The following PCCA variants were observed in gnomAD, a reference collection of about 807,000 sequenced individuals.
PCCA encodes propionyl-CoA carboxylase alpha chain, mitochondrial.
PCCA carries 74 observed loss-of-function variants against 101.3 expected under a neutral mutation model. The ratio of observed to expected loss-of-function variants is 0.73; its 90% CI spans 0.61 to 0.89. The LOEUF (loss-of-function observed/expected upper bound fraction) is 0.89. PCCA is among the 40% of genes least tolerant of loss of function. The pLI, the probability that PCCA is intolerant of heterozygous loss-of-function variation, is 0.00. For synonymous variants in PCCA, 294 were observed against 313.6 expected (o/e 0.94, Z 0.66); for missense variants, 891 against 907.0 (o/e 0.98, Z 0.23).
chr13:100,383,591 G>A (rs2076345353), intron 19 of PCCA, among the ~76,000 whole-genome samples: 1 of 151,788 alleles, frequency 6.6e-6, no homozygotes, highest in Non-Finnish European at 1.5e-5. Context: ...GCCTGGGTGA[G>A]AGTGAAATCC....
intron 6 of PCCA, among the ~76,000 whole-genome samples, chr13:100,186,087 T>C (rs939657854): frequency 6.6e-6 from 1 of 152,242 alleles, no homozygotes; most frequent in Non-Finnish European, 1.5e-5. Context: ...CTAGTTAAAA[T>C]AGCTTTGAAT....
At chr13:100,237,943 T>TC (rs2152525348) in intron 8 of PCCA, among the ~76,000 whole-genome samples, 1 of 106,734 alleles carries the variant, frequency 9.4e-6, no homozygotes, top group East Asian at 2.2e-4. Context: ...TTCTTTCTTT[T>TC]TTTTTTTTTT....
chr13:100,100,981 T>C (rs1411759495), intron 1 of PCCA, among the ~76,000 whole-genome samples: 2 of 152,106 alleles, frequency 1.3e-5, no homozygotes, highest in Non-Finnish European at 2.9e-5. Context: ...TTTTGTATTT[T>C]TAGTAGAGAT....
chr13:100,354,885 G>A (rs1392499303), intron 18 of PCCA, among the ~76,000 whole-genome samples: 1 of 152,072 alleles, frequency 6.6e-6, no homozygotes, highest in Non-Finnish European at 1.5e-5. Flanking sequence ...AGGACCAGAT[G>A]ACTTCATTGG....
At chr13:100,101,299 A>G (rs1434775327) in intron 1 of PCCA, among the ~76,000 whole-genome samples, 3 of 152,172 alleles carry the variant, frequency 2.0e-5, no homozygotes, top group Admixed American at 6.5e-5. Flanking sequence ...CTCTTGACCA[A>G]TCTGTGGTTA....
rs117647775 is a variant in PCCA, at chr13:100,288,667, C to T, written c.1066-12793C>T. Among the ~76,000 whole-genome samples the T allele has an allele frequency of 4.4e-3, 672 of 152,308 alleles. 3 individuals are homozygous for T. Among genetic ancestry groups the T allele is most frequent in the Non-Finnish European group, 7.4e-3 (502 of 68,026 alleles). On this transcript the variant is annotated intron_variant, in intron 12 of 23. Transcript: ENST00000376285. ...CTATGAGTTTGGACAAGTGTATCTA[C>T]CATTATGGTATCATAAGAATAGGTT...
chr13:100,137,204 G>A (rs1484945061), intron 4 of PCCA, among the ~76,000 whole-genome samples: 2 of 151,750 alleles, frequency 1.3e-5, no homozygotes, highest in Non-Finnish European at 2.9e-5. Flanking sequence ...AATTCTCTTT[G>A]TTCAGAGATC....
intron 2 of PCCA, among the ~76,000 whole-genome samples, chr13:100,103,263 G>A (rs1010822119): frequency 1.3e-5 from 2 of 151,744 alleles, no homozygotes; most frequent in African/African-American, 2.4e-5. Context: ...TAAAGACTGG[G>A]CATTTGAGAG....
intron 12 of PCCA, among the ~76,000 whole-genome samples, chr13:100,276,213 C>CAAAAAAAAAAAAA (rs59671834): frequency 9.8e-6 from 1 of 102,140 alleles, no homozygotes; most frequent in Non-Finnish European, 1.9e-5. Flanking sequence ...TTGTCTGTAC[C>CAAAAAAAAAAAAA]AAAAAAAAAA....
intron 21 of PCCA, among the ~76,000 whole-genome samples, chr13:100,469,938 T>C (rs780248744): frequency 2.6e-5 from 4 of 152,214 alleles, no homozygotes; most frequent in African/African-American, 4.8e-5. Flanking sequence ...TTATGTGACC[T>C]GGGGATTTCC....
Position 100,314,918 on chromosome 13 carries a change from T to C in PCCA, c.1429+5010T>C, listed in dbSNP as rs143595698. Among the ~76,000 whole-genome samples the C allele has an allele frequency of 3.7e-3, 571 of 152,278 alleles. 1 individual carries two copies. Among genetic ancestry groups the C allele is most frequent in the Non-Finnish European group, 6.6e-3 (452 of 68,024 alleles). ...GACAATTGGTGAGATTTGAATAAGG[T>C]CTGGAGATGAGGTGATAGCAATGTT... On this transcript the variant is annotated intron_variant, in intron 16 of 23. Transcript: ENST00000376285.
intron 7 of PCCA, among the ~76,000 whole-genome samples, chr13:100,218,193 G>A (rs1594779883): frequency 1.3e-5 from 2 of 151,950 alleles, no homozygotes; most frequent in Non-Finnish European, 2.9e-5. Flanking sequence ...TGTTTGTTTT[G>A]AGATGGTATT....
chr13:100,203,987 C>T (rs1262238342), intron 6 of PCCA, among the ~76,000 whole-genome samples: 1 of 152,196 alleles, frequency 6.6e-6, no homozygotes, highest in African/African-American at 2.4e-5. Flanking sequence ...AGCTTTCTTT[C>T]TGACTCAGTT....
At chr13:100,438,879 T>A (rs1281267077) in intron 20 of PCCA, among the ~76,000 whole-genome samples, 1 of 152,198 alleles carries the variant, frequency 6.6e-6, no homozygotes, top group Non-Finnish European at 1.5e-5. Flanking sequence ...GAAAGACTTT[T>A]AAAAATTACT....
intron 12 of PCCA, among the ~76,000 whole-genome samples, chr13:100,295,129 T>G (rs2065426598): frequency 6.6e-6 from 1 of 152,214 alleles, no homozygotes; most frequent in Admixed American, 6.5e-5. Context: ...TGAAATCCTG[T>G]ATTCTCAGGA....
intron 9 of PCCA, 39 bp from the exon 10 acceptor site, chr13:100,262,690 C>A: frequency 1.2e-6 from 1 of 853,984 alleles, no homozygotes; most frequent in South Asian, 1.3e-5. Context: ...CTTCCCCTCC[C>A]TCTCCCCCCC....
intron 21 of PCCA, among the ~76,000 whole-genome samples, chr13:100,470,313 C>T (rs987925425): frequency 2.0e-5 from 3 of 152,120 alleles, no homozygotes; most frequent in African/African-American, 7.2e-5. Flanking sequence ...CCTGCTTAAT[C>T]TTCAAAAACT....
chr13:100,390,924 A>C (rs2076768197), intron 19 of PCCA, among the ~76,000 whole-genome samples: 1 of 152,158 alleles, frequency 6.6e-6, no homozygotes, highest in Non-Finnish European at 1.5e-5. Context: ...TTAAAGGTTT[A>C]ATAAATTCTT....
At chr13:100,443,606 T>C (rs1324565292) in intron 20 of PCCA, among the ~76,000 whole-genome samples, 1 of 152,186 alleles carries the variant, frequency 6.6e-6, no homozygotes, top group Non-Finnish European at 1.5e-5. Flanking sequence ...CGTATGAAGC[T>C]GAATGCACAG....
Sources: allele counts gnomAD v4.1 joint callset (sites outside exome capture counted in the v4.1 genomes callset), GRCh38; gene constraint gnomAD v4.1.1; transcripts MANE v1.5; gene names NCBI Gene and HGNC (gene_info 2026-07-23, HGNC 2026-07-21).